CLCN4: variants seen among roughly 807,000 people sequenced by gnomAD.
The protein encoded by CLCN4 is Cl-/H+ antiporter 4, also known as H(+)/Cl(-) exchange transporter 4.
A neutral mutation model predicts 41.7 loss-of-function variants in CLCN4; 1 was observed. That is an observed-to-expected ratio of 0.02 (90% CI 0.01 to 0.11). The LOEUF is 0.11. Among genes scored for constraint, CLCN4 ranks in the 10% least tolerant of loss-of-function variants. The pLI, the probability that CLCN4 is intolerant of heterozygous loss-of-function variation, is 1.00. For missense variants in CLCN4, 287 were observed against 661.0 expected (o/e 0.43, Z 6.20); for synonymous variants, 277 against 285.8 (o/e 0.97, Z 0.31).
In CLCN4 at chrX:10,193,645, G is replaced by A. The variant is rs183840056; in HGVS notation, c.245-1266G>A. 2.7e-5 allele frequency among the ~76,000 whole-genome samples: 3 copies of A among 112,297 alleles called. No homozygotes were observed. The East Asian group carries it at 8.4e-4, about 31-fold the overall frequency. Reference sequence around the variant, plus strand: ...CAAACTTTTTCTGCAAGAGGCCAGAGAGTAAATATTTTCAGGTTTGTGGCC... The same window carrying A: ...CAAACTTTTTCTGCAAGAGGCCAGAAAGTAAATATTTTCAGGTTTGTGGCC... On this transcript the variant is annotated intron_variant, in intron 4 of 12. Transcript: ENST00000380833.
intron 2 of CLCN4, among the ~76,000 whole-genome samples, chrX:10,163,357 G>A (rs1470535426): frequency 1.0e-5 from 1 of 95,731 alleles, no homozygotes; most frequent in Non-Finnish European, 2.1e-5. Flanking sequence ...TTTTTTATGT[G>A]CAGGAATTTT....
intron 5 of CLCN4, among the ~76,000 whole-genome samples, chrX:10,196,435 C>A (rs1569228014): frequency 9.0e-6 from 1 of 111,183 alleles, no homozygotes; most frequent in Non-Finnish European, 1.9e-5. Context: ...GAGGAGGAAC[C>A]AGGTTGTCAA....
intron 10 of CLCN4, among the ~76,000 whole-genome samples, 184 bp from the exon 11 acceptor site, chrX:10,213,497 C>T (rs775717154): frequency 8.9e-6 from 1 of 112,134 alleles, no homozygotes; most frequent in Admixed American, 9.4e-5. Context: ...GGCTCCCCAA[C>T]GCAAAGCCAC....
intron 12 of CLCN4, among the ~76,000 whole-genome samples, chrX:10,227,915 C>T (rs1925028956): frequency 9.0e-6 from 1 of 111,058 alleles, no homozygotes; most frequent in African/African-American, 3.3e-5. Flanking sequence ...AGTTGATGGA[C>T]ATTTGGTTTC....
intron 2 of CLCN4, among the ~76,000 whole-genome samples, chrX:10,162,797 T>G (rs1477212747): frequency 8.9e-6 from 1 of 112,495 alleles, no homozygotes; most frequent in Non-Finnish European, 1.9e-5. Flanking sequence ...TTAAAGGGAC[T>G]TGGGGAGCCC....
rs181021556 is a variant in CLCN4 at position 10,163,657 on chromosome X, C to T, written c.-12+5106C>T. Among the ~76,000 whole-genome samples, 303 of 111,967 alleles carry T rather than the reference C, an allele frequency of 2.7e-3. 4 individuals carry two copies. The East Asian group carries it at 0.055, about 20-fold the overall frequency. On this transcript the variant is annotated intron_variant, in intron 2 of 12. Coordinates refer to ENST00000380833, the MANE Select transcript of CLCN4 (RefSeq NM_001830.4). ...CTGACCTCAGGGGATGTGCCCGCCT[C>T]GGCCTCCCAAAGTGCTGGGATTATA... is the stretch of plus-strand genomic sequence containing the variant.
At chrX:10,231,854 C>T (rs1486427747) in intron 12 of CLCN4, among the ~76,000 whole-genome samples, 1 of 111,847 alleles carries the variant, frequency 8.9e-6, no homozygotes, top group Non-Finnish European at 1.9e-5. Context: ...TTTCCAGCAA[C>T]CATTCGCCCA....
intron 4 of CLCN4, among the ~76,000 whole-genome samples, chrX:10,188,940 T>G (rs776035311): frequency 8.9e-6 from 1 of 112,151 alleles, no homozygotes; most frequent in Non-Finnish European, 1.9e-5. Flanking sequence ...GGGGAGTTCT[T>G]TCCTACTAGT....
At chrX:10,159,322 G>A (rs1923035840) in intron 2 of CLCN4, among the ~76,000 whole-genome samples, 1 of 112,112 alleles carries the variant, frequency 8.9e-6, no homozygotes, top group African/African-American at 3.2e-5. Context: ...CAGAGTTCTT[G>A]TTAATTCTCT....
chrX:10,210,695 G>A (rs1441074936), intron 9 of CLCN4, among the ~76,000 whole-genome samples: 4 of 78,565 alleles, frequency 5.1e-5, no homozygotes, highest in Non-Finnish European at 9.0e-5. Flanking sequence ...TCACTCTGTT[G>A]TCCAGGCTGG....
intron 6 of CLCN4, among the ~76,000 whole-genome samples, chrX:10,204,613 CTTTTTTTTTTTTTTTTTTTTT>C (rs61453535): frequency 2.0e-3 from 56 of 27,344 alleles, no homozygotes; most frequent in African/African-American, 3.4e-3. Flanking sequence ...AGCTAGTAGT[CTTTTTTTTTTTTTTTTTTTTT>C]TTTTTTTTTT....
chrX:10,171,619 T>C (rs1038293055), intron 2 of CLCN4, among the ~76,000 whole-genome samples: 1 of 111,950 alleles, frequency 8.9e-6, no homozygotes, highest in African/African-American at 3.3e-5. Context: ...AGATCACCTC[T>C]GGGTCTGGTG....
intron 11 of CLCN4, among the ~76,000 whole-genome samples, chrX:10,216,767 T>C (rs11795877): frequency 0.22 from 22,860 of 103,758 alleles, 2,582 homozygotes; most frequent in East Asian, 0.66. Context: ...AACAAGAAGC[T>C]AAGTGTCAGG....
intron 2 of CLCN4, among the ~76,000 whole-genome samples, chrX:10,172,435 G>A (rs1923405199): frequency 8.9e-6 from 1 of 111,782 alleles, no homozygotes; most frequent in Non-Finnish European, 1.9e-5. Context: ...TATGAGTGGG[G>A]CGCTGGCAGC....
chrX:10,231,918 G>A (rs1375101679), intron 12 of CLCN4, among the ~76,000 whole-genome samples: 9 of 112,290 alleles, frequency 8.0e-5, no homozygotes, highest in African/African-American at 2.6e-4. Flanking sequence ...TACATTGGGG[G>A]TTGCAAAGTA....
At chrX:10,232,426 C>T (rs1214974115) in intron 12 of CLCN4, among the ~76,000 whole-genome samples, 1 of 112,437 alleles carries the variant, frequency 8.9e-6, no homozygotes, top group Admixed American at 9.4e-5. Context: ...TATCATATTA[C>T]ACAGAGTAGA....
At chrX:10,181,366 AAAGAAAAG>A (rs1923680135) in intron 2 of CLCN4, among the ~76,000 whole-genome samples, 1 of 60,766 alleles carries the variant, frequency 1.6e-5, no homozygotes, top group African/African-American at 1.1e-4. Context: ...AAAAAAAAAG[AAAGAAAAG>A]AAAGAAAAAG....
rs1175282043 is a variant in CLCN4, at chrX:10,235,701, C to G, written c.*2117C>G. 2.7e-5 allele frequency: 3 copies of G among 111,916 alleles called. No individual in the cohort carries two copies. Among genetic ancestry groups the G allele is most frequent in the Non-Finnish European group, 3.8e-5 (2 of 53,260 alleles). 9.2% of individuals were successfully genotyped at this position (111,916 alleles called of 1,213,427 possible). A position where few individuals can be genotyped will look rare whatever the true frequency, so the allele number is the denominator to read the frequency against. ...TTAATGTGCAAAATACATATTTTCT[C>G]CAGGTTAAGAAATTTTAAGTCAGAT... On this transcript the variant is annotated 3_prime_UTR_variant, in exon 13 of 13. Transcript: ENST00000380833.
intron 2 of CLCN4, among the ~76,000 whole-genome samples, chrX:10,159,664 TGAA>T (rs1232361266): frequency 8.9e-6 from 1 of 111,864 alleles, no homozygotes. Context: ...CATCAATAAT[TGAA>T]GGAGGCATTT....
Sources: allele counts gnomAD v4.1 joint callset (sites outside exome capture counted in the v4.1 genomes callset), GRCh38; gene constraint gnomAD v4.1.1; transcripts MANE v1.5; gene names NCBI Gene and HGNC (gene_info 2026-07-23, HGNC 2026-07-21).